LCORL: variants seen among roughly 807,000 people sequenced by gnomAD.
LCORL encodes the protein ligand-dependent nuclear receptor corepressor-like protein.
A neutral mutation model predicts 141.8 loss-of-function variants in LCORL; 41 were observed. That is an observed-to-expected ratio of 0.29 (90% confidence interval 0.23 to 0.38). The LOEUF is 0.38. Ranked by LOEUF, LCORL falls within the 10% of genes least tolerant of loss-of-function variation. LCORL has a pLI of 1.00. For synonymous variants in LCORL, 618 were observed against 694.1 expected (o/e 0.89, Z 1.72); for missense variants, 1,759 against 2,035.0 (o/e 0.86, Z 2.61).
At chr4:17,889,614 C>T (rs1167967059) in intron 5 of LCORL, among the ~76,000 whole-genome samples, 1 of 151,630 alleles carries the variant, frequency 6.6e-6, no homozygotes. Flanking sequence ...CCCTTTTCTT[C>T]ATAAAGCCTG....
At chr4:17,882,361 C>A in intron 6 of LCORL, 2 of 984,080 alleles carry the variant, frequency 2.0e-6, no homozygotes, top group Non-Finnish European at 2.4e-6. Context: ...AATCCCTATT[C>A]TTTATATGAA....
Position 17,909,350 on chromosome 4 carries a change from G to A in LCORL, c.431-5C>T, listed in dbSNP as rs1266367576. ...GATCACAGTTCTGAGGAAGATCTAG[G>A]GAAGAAATAAATATAATAATCATTT... is the stretch of plus-strand genomic sequence containing the variant. On this transcript the variant is annotated splice_polypyrimidine_tract_variant and splice_region_variant and intron_variant, in intron 4 of 7. Transcript: ENST00000635767. 1.3e-5 allele frequency: 20 copies of A among 1,559,782 alleles called. No homozygotes were observed. The highest frequency in any genetic ancestry group is 1.7e-5 in the Non-Finnish European group (20 of 1,152,696).
intron 6 of LCORL, chr4:17,883,790 G>A: frequency 1.3e-6 from 2 of 1,550,506 alleles, no homozygotes; most frequent in South Asian, 1.2e-5. Context: ...CCCAGTGTCT[G>A]GTAATCGTAG....
At chr4:17,876,653 T>C in exon 7 of LCORL, 2 of 1,230,856 alleles carry the variant, frequency 1.6e-6, no homozygotes, top group Admixed American at 4.2e-5. Flanking sequence ...AATACCACCC[T>C]GGAGGCACAA....
At chr4:17,965,143 G>A (rs189592697) in intron 2 of LCORL, among the ~76,000 whole-genome samples, 1 of 152,068 alleles carries the variant, frequency 6.6e-6, no homozygotes, top group Non-Finnish European at 1.5e-5. Flanking sequence ...CAAATAAATG[G>A]CAATGAATAA....
At chr4:17,918,468 A>G (rs1426192005) in intron 4 of LCORL, among the ~76,000 whole-genome samples, 1 of 152,202 alleles carries the variant, frequency 6.6e-6, no homozygotes, top group Admixed American at 6.5e-5. Context: ...ATAAACAACT[A>G]AAGTATGAGG....
chr4:17,912,752 C>A, intron 4 of LCORL: 1 of 415,130 alleles, frequency 2.4e-6, no homozygotes. Context: ...GGCACAGACC[C>A]GGGCAAAGAG....
At chr4:17,875,573 A>C in exon 7 of LCORL, 1 of 1,231,116 alleles carries the variant, frequency 8.1e-7, no homozygotes, top group Non-Finnish European at 1.0e-6. Context: ...TTACTGTAAT[A>C]CTCTTTTTAT....
At chr4:17,952,083 A>G (rs1224192671) in intron 4 of LCORL, among the ~76,000 whole-genome samples, 1 of 152,186 alleles carries the variant, frequency 6.6e-6, no homozygotes, top group African/African-American at 2.4e-5. Flanking sequence ...CTTCCACATA[A>G]AAGTGCTTCT....
intron 1 of LCORL, among the ~76,000 whole-genome samples, chr4:18,001,489 G>A (rs915393575): frequency 3.9e-5 from 6 of 152,124 alleles, no homozygotes; most frequent in African/African-American, 1.2e-4. Context: ...AGGAACCAAT[G>A]AAGATTTTTA....
chr4:17,918,983 C>A (rs918340128), intron 4 of LCORL, among the ~76,000 whole-genome samples: 18 of 151,712 alleles, frequency 1.2e-4, no homozygotes, highest in Admixed American at 2.0e-4. Flanking sequence ...AAGTAAGGGA[C>A]TAAACAAACC....
At chr4:17,891,483 T>C (rs1160794665) in intron 5 of LCORL, among the ~76,000 whole-genome samples, 5 of 152,306 alleles carry the variant, frequency 3.3e-5, no homozygotes, top group African/African-American at 4.8e-5. Context: ...ATACCGTAGA[T>C]TGTACAATTT....
chr4:18,016,091 C>A (rs1724585262), intron 1 of LCORL, among the ~76,000 whole-genome samples: 1 of 151,992 alleles, frequency 6.6e-6, no homozygotes, highest in South Asian at 2.1e-4. Context: ...ATGATCTTTT[C>A]ACTGTTCATC....
rs116572741 is a variant in LCORL, at chr4:17,927,290, G to A, written c.431-17945C>T. Reference sequence around the variant, plus strand: ...GACTTAGGCCCTTGCTCTAGTTTAGGTTTTGTCTTAACGGAATGTCATGGC... The same window carrying A: ...GACTTAGGCCCTTGCTCTAGTTTAGATTTTGTCTTAACGGAATGTCATGGC... On this transcript the variant is annotated intron_variant, in intron 4 of 7. Coordinates refer to ENST00000635767, the Ensembl canonical transcript of LCORL. Among the ~76,000 whole-genome samples, 406 of 152,272 alleles carry A rather than the reference G, an allele frequency of 2.7e-3. 3 individuals carry two copies. Among genetic ancestry groups the A allele is most frequent in the African/African-American group, 9.1e-3 (380 of 41,560 alleles).
At chr4:17,869,539 G>A (rs1726087306) in intron 7 of LCORL, among the ~76,000 whole-genome samples, 1 of 151,994 alleles carries the variant, frequency 6.6e-6, no homozygotes, top group Non-Finnish European at 1.5e-5. Flanking sequence ...CATTCTCCAG[G>A]CTTTCCTCTT....
intron 1 of LCORL, among the ~76,000 whole-genome samples, chr4:18,005,757 G>A (rs544514986): frequency 3.9e-5 from 6 of 152,120 alleles, no homozygotes; most frequent in Non-Finnish European, 7.4e-5. Flanking sequence ...AATGGCTGGA[G>A]TGGCTCGGAC....
At chr4:18,017,245 T>C (rs368335225) in intron 1 of LCORL, among the ~76,000 whole-genome samples, 46 of 152,086 alleles carry the variant, frequency 3.0e-4, no homozygotes, top group East Asian at 1.2e-3. Flanking sequence ...TTACCTTATG[T>C]CTGAATGTCA....
intron 4 of LCORL, chr4:17,912,564 G>T: frequency 2.2e-6 from 1 of 446,876 alleles, no homozygotes; most frequent in Non-Finnish European, 4.4e-6. Flanking sequence ...GCCGGAATTG[G>T]AGCTGCTGAG....
At chr4:17,893,206 C>T (rs981085862) in intron 5 of LCORL, 5 of 231,062 alleles carry the variant, frequency 2.2e-5, no homozygotes, top group African/African-American at 7.0e-5. Flanking sequence ...CCCCTACTAC[C>T]ATAACTTTCA....
Sources: allele counts gnomAD v4.1 joint callset (sites outside exome capture counted in the v4.1 genomes callset), GRCh38; gene constraint gnomAD v4.1.1; transcripts MANE v1.5; gene names NCBI Gene and HGNC (gene_info 2026-07-23, HGNC 2026-07-21).